Variants in GGTA1 observed in about 807,000 individuals in gnomAD.
The protein encoded by GGTA1 is glycoprotein alpha-galactosyltransferase 1 (inactive).
Under a neutral mutation model 2.6 loss-of-function variants are expected in GGTA1, and 5 were observed. That is an observed-to-expected ratio of 1.92 (90% CI 1.00 to 4.04). GGTA1 has a LOEUF of 4.04. Ranked by LOEUF, GGTA1 falls within the 30% of genes most tolerant of loss-of-function variation. The probability of loss-of-function intolerance (pLI) is 0.00; values close to 1 mark genes in which losing one functional copy is unlikely to be tolerated. For synonymous variants in GGTA1, 17 were observed against 5.0 expected (o/e 3.38, Z -3.19); for missense variants, 50 against 16.7 (o/e 2.99, Z -3.47).
At chr9:121,474,085 G>A (rs1458239813) in intron 1 of GGTA1, among the ~76,000 whole-genome samples, 1 of 152,062 alleles carries the variant, frequency 6.6e-6, no homozygotes, top group African/African-American at 2.4e-5. Flanking sequence ...TCAAGGGGTG[G>A]AGCACAGAAT....
rs949155560 is a variant in GGTA1, at chr9:121,481,997, A to G, written c.-9-14066T>C. 2.3e-5 allele frequency among the ~76,000 whole-genome samples: 3 copies of G among 128,588 alleles called. No homozygotes were observed. The Admixed American group carries it at 2.4e-4, about 10-fold the overall frequency. The allele number at this position is 128,588 out of a possible 152,430, so 84.4% of individuals were successfully genotyped here. On this transcript the variant is annotated intron_variant, in intron 1 of 5. Transcript: ENST00000481799. ...GGCAACAAAAGCGGAACTCTGTCTCAAAAAAAAAAAAAAGAATAAAAAGTA... is the reference window on the plus strand; with the variant it reads ...GGCAACAAAAGCGGAACTCTGTCTCGAAAAAAAAAAAAAGAATAAAAAGTA...
chr9:121,471,528 A>G (rs1398306894), intron 1 of GGTA1, among the ~76,000 whole-genome samples: 1 of 152,212 alleles, frequency 6.6e-6, no homozygotes, highest in Non-Finnish European at 1.5e-5. Flanking sequence ...CTCAGATCTC[A>G]TATCTTACAA....
intron 5 of GGTA1, among the ~76,000 whole-genome samples, chr9:121,457,516 C>T (rs530477187): frequency 1.3e-5 from 2 of 151,916 alleles, no homozygotes; most frequent in East Asian, 2.0e-4. Context: ...CTGGCTAACA[C>T]GATGAAACCC....
intron 1 of GGTA1, among the ~76,000 whole-genome samples, chr9:121,489,186 ATTACT>A: frequency 6.6e-6 from 1 of 152,212 alleles, no homozygotes; most frequent in African/African-American, 2.4e-5. Context: ...TCACTTCCTA[ATTACT>A]TTATTATATT....
At chr9:121,480,222 A>AT (rs1252018964) in intron 1 of GGTA1, among the ~76,000 whole-genome samples, 1 of 151,386 alleles carries the variant, frequency 6.6e-6, no homozygotes, top group South Asian at 2.1e-4. Flanking sequence ...CGCCCAGCTG[A>AT]TTTTTTTGTA....
At chr9:121,487,590 A>G (rs1828788873) in intron 1 of GGTA1, among the ~76,000 whole-genome samples, 1 of 151,756 alleles carries the variant, frequency 6.6e-6, no homozygotes, top group South Asian at 2.1e-4. Context: ...AAAAAAAAAA[A>G]AAAAAAAGCT....
intron 1 of GGTA1, among the ~76,000 whole-genome samples, chr9:121,483,247 C>T (rs986974914): frequency 6.6e-6 from 1 of 152,104 alleles, no homozygotes; most frequent in Non-Finnish European, 1.5e-5. Flanking sequence ...GTGACTCATT[C>T]GAGGTCACCA....
intron 1 of GGTA1, among the ~76,000 whole-genome samples, chr9:121,488,644 G>A (rs1828809392): frequency 6.6e-6 from 1 of 152,174 alleles, no homozygotes; most frequent in Non-Finnish European, 1.5e-5. Flanking sequence ...TTGAACCCGG[G>A]AGGCGGAAGT....
downstream of GGTA1, among the ~76,000 whole-genome samples, chr9:121,454,275 G>A (rs111839858): frequency 5.3e-5 from 8 of 152,262 alleles, no homozygotes; most frequent in Non-Finnish European, 1.0e-4. Flanking sequence ...CACCCACCAC[G>A]TACACTTTCT....
chr9:121,497,514 C>T (rs951734041), intron 1 of GGTA1, among the ~76,000 whole-genome samples: 1 of 152,134 alleles, frequency 6.6e-6, no homozygotes, highest in Non-Finnish European at 1.5e-5. Context: ...TGGTCTCTCT[C>T]AGCCTTCCTT....
intron 1 of GGTA1, among the ~76,000 whole-genome samples, chr9:121,470,840 C>T (rs1473375585): frequency 1.3e-5 from 2 of 152,242 alleles, no homozygotes; most frequent in Admixed American, 6.5e-5. Context: ...AGCCATTATT[C>T]TGGAGGTCAT....
At chr9:121,478,749 C>T (rs1828570534) in intron 1 of GGTA1, among the ~76,000 whole-genome samples, 1 of 152,320 alleles carries the variant, frequency 6.6e-6, no homozygotes, top group Admixed American at 6.5e-5. Context: ...ACGACCTGTT[C>T]TCTGAAGTAT....
chr9:121,445,258 G>A lies in GGTA1; in HGVS notation c.*2458C>T, dbSNP rs563921321. On this transcript the variant is annotated 3_prime_UTR_variant and NMD_transcript_variant, in exon 8 of 8. Coordinates refer to the GGTA1 transcript ENST00000481534. ...GACAACCTGACTAATAGAGAAGCAG[G>A]AGTCTTAACTGATGTGTGATCTACT... is the stretch of plus-strand genomic sequence containing the variant. 5 of 152,250 alleles carry A rather than the reference G, an allele frequency of 3.3e-5. No individual in the cohort carries two copies. The South Asian group carries it at 8.3e-4, about 25-fold the overall frequency. The allele number at this position is 152,250 out of a possible 1,614,324, so 9.4% of individuals were successfully genotyped here. A position where few individuals can be genotyped will look rare whatever the true frequency, so the allele number is the denominator to read the frequency against.
rs1309168884 is a variant in GGTA1 at position 121,476,939 on chromosome 9, C to G, written c.-9-9008G>C. Among the ~76,000 whole-genome samples, 1 of 152,208 alleles carries G rather than the reference C, an allele frequency of 6.6e-6. No individual in the cohort carries two copies. Among genetic ancestry groups the G allele is most frequent in the Non-Finnish European group, 1.5e-5 (1 of 68,040 alleles). Reference sequence around the variant, plus strand: ...GCTGACCCATTACCTGCACACCCACCTAGGTCCCAGAAACAACCGGTCCCA... The same window carrying G: ...GCTGACCCATTACCTGCACACCCACGTAGGTCCCAGAAACAACCGGTCCCA... On this transcript the variant is annotated intron_variant, in intron 1 of 5. Transcript: ENST00000481799. This position sits in a 1 kb window ranked among gnomAD's most constrained non-coding sequence, Gnocchi z 4.6.
intron 1 of GGTA1, among the ~76,000 whole-genome samples, chr9:121,480,181 G>A (rs568906328): frequency 1.5e-4 from 22 of 151,546 alleles, no homozygotes; most frequent in Non-Finnish European, 2.4e-4. Flanking sequence ...TCAGCCTCCC[G>A]AGTAGCTGGG....
chr9:121,472,713 A>T (rs1161508150), intron 1 of GGTA1, among the ~76,000 whole-genome samples: 2 of 152,194 alleles, frequency 1.3e-5, no homozygotes, highest in African/African-American at 2.4e-5. Flanking sequence ...ATGTGTGCCG[A>T]GGAGGCAACA....
chr9:121,462,937 T>C (rs1321474737), intron 3 of GGTA1: 1 of 155,066 alleles, frequency 6.4e-6, no homozygotes, highest in East Asian at 1.9e-4. Context: ...ATTTTTTTCC[T>C]GATTTTTATT....
chr9:121,459,281 A>G (rs891052356), intron 5 of GGTA1, among the ~76,000 whole-genome samples: 1 of 152,044 alleles, frequency 6.6e-6, no homozygotes, highest in Non-Finnish European at 1.5e-5. Context: ...ACATAGTAAG[A>G]CCCTGTCTCT....
chr9:121,478,355 T>G (rs1415612261), intron 1 of GGTA1, among the ~76,000 whole-genome samples: 1 of 152,188 alleles, frequency 6.6e-6, no homozygotes. Context: ...CAATGGTCAG[T>G]GCGGTGGCCT....
Sources: gnomAD v4.1 joint callset for allele counts (sites outside exome capture counted in the v4.1 genomes callset) on GRCh38, gnomAD v4.1.1 for gene constraint, Gnocchi (gnomAD v3.1) non-coding constraint, MANE v1.5 for transcripts, NCBI Gene and HGNC (gene_info 2026-07-23, HGNC 2026-07-21) for gene names.